CLSTN1: variants seen among roughly 807,000 people sequenced by gnomAD.
CLSTN1 encodes the protein calsyntenin-1.
In CLSTN1, 28 loss-of-function variants were observed where a neutral mutation model predicts 108.3. The observed-to-expected ratio is 0.26, with a 90% CI of 0.19 to 0.35. The LOEUF (loss-of-function observed/expected upper bound fraction) is 0.35. CLSTN1 is among the 10% of genes least tolerant of loss of function. The probability of loss-of-function intolerance (pLI) is 1.00; values close to 1 mark genes in which losing one functional copy is unlikely to be tolerated. For synonymous variants in CLSTN1, 524 were observed against 534.9 expected, an observed-to-expected ratio of 0.98 and a Z score of 0.28; for missense variants, 1,157 against 1,302.6, an observed-to-expected ratio of 0.89 and a Z score of 1.72.
At position 9,730,404 on chromosome 1, in the gene CLSTN1, C is replaced by A. The variant is rs899639754; in HGVS notation, c.*104G>T. 3.7e-5 allele frequency: 41 copies of A among 1,094,884 alleles called. No homozygotes were observed. The African/African-American group carries it at 5.7e-4, about 15-fold the overall frequency. 67.8% of individuals were successfully genotyped at this position (1,094,884 alleles called of 1,614,324 possible). A position where few individuals can be genotyped will look rare whatever the true frequency, so the allele number is the denominator to read the frequency against. The stretch of plus-strand genomic sequence containing the variant: ...ATCGTGGCGGGGAGGGGTCTGCACA[C>A]CTACTGGCCGAAATGACTTTGTACA... On this transcript the variant is annotated 3_prime_UTR_variant, in exon 19 of 19. Coordinates refer to ENST00000377298, the MANE Select transcript of CLSTN1 (RefSeq NM_001009566.3). The surrounding 1 kb of genome is among the most constrained non-coding windows in gnomAD (Gnocchi z 5.6).
chr1:9,770,574 C>T lies in CLSTN1; in HGVS notation c.214+2698G>A, dbSNP rs114028513. 1.5e-3 allele frequency among the ~76,000 whole-genome samples: 228 copies of T among 152,308 alleles called. 1 individual carries two copies. Among genetic ancestry groups the T allele is most frequent in the Middle Eastern group, 3.4e-3 (1 of 292 alleles). ...CAATAGCTTAACTATTCTGTGCCTC[C>T]GCTTCCTGCCTTTAATGCAGAAAAG... On this transcript the variant is annotated intron_variant, in intron 2 of 18. Coordinates refer to ENST00000377298, the MANE Select transcript of CLSTN1 (RefSeq NM_001009566.3).
chr1:9,820,544 A>C (rs1249640803), intron 1 of CLSTN1, among the ~76,000 whole-genome samples: 1 of 152,082 alleles, frequency 6.6e-6, no homozygotes, highest in Non-Finnish European at 1.5e-5. Context: ...CAAAAAAAAA[A>C]CTTAAGTTTG....
At position 9,736,748 on chromosome 1, in the gene CLSTN1, T is replaced by C. The variant is rs1650710439; in HGVS notation, c.1577-706A>G. Among the ~76,000 whole-genome samples, 6 of 152,182 alleles carry C rather than the reference T, an allele frequency of 3.9e-5. No individual in the cohort carries two copies. In the South Asian group the frequency reaches 1.2e-3, roughly 32 times the overall value. ...TCATTCTGGTACAGAAATCAGGCAC[T>C]GTAAATCATGACTAGGAATTGAGGT... On this transcript the variant is annotated intron_variant, in intron 11 of 18. Coordinates refer to ENST00000377298, the MANE Select transcript of CLSTN1 (RefSeq NM_001009566.3).
At chr1:9,735,281 C>T (rs1278809250) in intron 13 of CLSTN1, 107 bp from the exon 14 acceptor site, 1 of 1,375,294 alleles carries the variant, frequency 7.3e-7, no homozygotes, top group African/African-American at 1.4e-5. Context: ...CTAACACCTG[C>T]CGGGGCCACT....
intron 9 of CLSTN1, 91 bp downstream of exon 9, chr1:9,743,793 A>G: frequency 6.7e-7 from 1 of 1,483,504 alleles, no homozygotes; most frequent in Non-Finnish European, 9.3e-7. Flanking sequence ...CCTGGGCTCA[A>G]GCAATCCTCG....
In CLSTN1 at chr1:9,741,146, C is replaced by CGGGT; in HGVS notation, c.1463_1466dup (p.Leu490ProfsTer24). On this transcript the variant is annotated frameshift_variant, in exon 10 of 19. Coordinates refer to ENST00000377298, the MANE Select transcript of CLSTN1 (RefSeq NM_001009566.3). LOFTEE classifies it high-confidence loss of function. The stretch of plus-strand genomic sequence containing the variant: ...GAGTTTCTATCTTGGATGGATGGAG[C>CGGGT]GGGTAATCCTCAGTCACAGAGAAGG... The CGGGT allele has an allele frequency of 6.2e-7, 1 of 1,614,068 alleles. No individual in the cohort carries two copies. The highest frequency in any genetic ancestry group is 8.5e-7 in the Non-Finnish European group (1 of 1,179,978).
chr1:9,749,723 TTAAGAGCAGATG>T (rs1651461326), intron 6 of CLSTN1, 29 bp downstream of exon 6: 4 of 1,612,194 alleles, frequency 2.5e-6, no homozygotes, highest in Non-Finnish European at 3.4e-6. Context: ...TACATCAGTT[TTAAGAGCAGATG>T]TGAGCGCAGG....
At chr1:9,745,732 T>G (rs1422649037) in intron 7 of CLSTN1, among the ~76,000 whole-genome samples, 1 of 151,930 alleles carries the variant, frequency 6.6e-6, no homozygotes, top group Non-Finnish European at 1.5e-5. Flanking sequence ...AGCAATATTC[T>G]TCTATCATGT....
At chr1:9,802,778 A>G (rs1654336554) in intron 1 of CLSTN1, among the ~76,000 whole-genome samples, 1 of 149,866 alleles carries the variant, frequency 6.7e-6, no homozygotes, top group South Asian at 2.1e-4. Flanking sequence ...AGCTCCTTCC[A>G]TTTCTAGAAT....
At chr1:9,792,075 A>G (rs573394443) in intron 1 of CLSTN1, among the ~76,000 whole-genome samples, 25 of 150,852 alleles carry the variant, frequency 1.7e-4, no homozygotes, top group African/African-American at 5.6e-4. Context: ...TTTGCTACTC[A>G]GGAGGCTGGG....
At position 9,735,019 on chromosome 1, in the gene CLSTN1, G is replaced by C. The variant is rs774547335; in HGVS notation, c.2039C>G (p.Pro680Arg). The change falls in exon 14 of 19, where the codon CCT becomes CGT. Residue 680 changes from proline (P) to arginine (R), a missense_variant. Pro to Arg is a moderately radical substitution (Grantham distance 103). Transcript: ENST00000377298. ...GATGGTGCTGATGATGCGAAGCTCA[G>C]GGAAAAGGAACACCCCTTCTGAGCT... ...FESSEGVFLF[P>R]ELRIISTITR... is the part of the protein sequence containing the mutation. 140 of 1,614,100 alleles carry C rather than the reference G, an allele frequency of 8.7e-5. No individual in the cohort carries two copies. The highest frequency in any genetic ancestry group is 5.3e-5 in the Non-Finnish European group (63 of 1,180,050).
At chr1:9,819,432 A>G (rs1331610711) in intron 1 of CLSTN1, among the ~76,000 whole-genome samples, 1 of 152,110 alleles carries the variant, frequency 6.6e-6, no homozygotes, top group Non-Finnish European at 1.5e-5. Context: ...AGCATTTTCT[A>G]TTTTCAATGT....
At chr1:9,812,979 C>T (rs1294412281) in intron 1 of CLSTN1, among the ~76,000 whole-genome samples, 2 of 151,698 alleles carry the variant, frequency 1.3e-5, no homozygotes, top group Non-Finnish European at 2.9e-5. Context: ...GCCTGGCCAA[C>T]ATGGTGAAAC....
intron 7 of CLSTN1, among the ~76,000 whole-genome samples, chr1:9,747,318 T>C (rs189085339): frequency 2.0e-5 from 3 of 152,148 alleles, no homozygotes; most frequent in Non-Finnish European, 4.4e-5. Flanking sequence ...TTATATATTA[T>C]ACTTACATGC....
At chr1:9,740,603 C>T (rs1388016753) in intron 10 of CLSTN1, among the ~76,000 whole-genome samples, 1 of 152,122 alleles carries the variant, frequency 6.6e-6, no homozygotes, top group Non-Finnish European at 1.5e-5. Context: ...TCCATGGAAT[C>T]CTCCCCACAC....
At chr1:9,822,397 T>C (rs1037384428) in intron 1 of CLSTN1, among the ~76,000 whole-genome samples, 1 of 152,218 alleles carries the variant, frequency 6.6e-6, no homozygotes, top group African/African-American at 2.4e-5. Context: ...TTGCCGCCTC[T>C]GCCCTTTAAT....
At chr1:9,795,473 A>T (rs2101243436) in intron 1 of CLSTN1, among the ~76,000 whole-genome samples, 1 of 151,420 alleles carries the variant, frequency 6.6e-6, no homozygotes, top group South Asian at 2.2e-4. Context: ...GCCAAATACT[A>T]ACATTTTTAG....
intron 1 of CLSTN1, among the ~76,000 whole-genome samples, chr1:9,801,548 CATT>C (rs111246101): frequency 0.022 from 3,286 of 152,190 alleles, 135 homozygotes; most frequent in African/African-American, 0.07. Context: ...GTGAGGTCAC[CATT>C]ATTGTTCGTT....
chr1:9,749,972 G>A (rs769874531), intron 5 of CLSTN1, 59 bp from the exon 6 acceptor site: 80 of 1,467,618 alleles, frequency 5.5e-5, no homozygotes, highest in Non-Finnish European at 7.4e-5. Context: ...TACTTTTGTT[G>A]TCCTAGGCGG....
Sources: gnomAD v4.1 joint callset for allele counts (sites outside exome capture counted in the v4.1 genomes callset) on GRCh38, gnomAD v4.1.1 for gene constraint, Gnocchi (gnomAD v3.1) non-coding constraint, MANE v1.5 for transcripts, NCBI Gene and HGNC (gene_info 2026-07-23, HGNC 2026-07-21) for gene names.